Variants in SYN2 observed in about 807,000 individuals in gnomAD.
SYN2 encodes the protein synapsin II.
In SYN2, 19 loss-of-function variants were observed where a neutral mutation model predicts 50.9. The observed-to-expected ratio is 0.37, with a 90% CI of 0.26 to 0.55. The LOEUF (loss-of-function observed/expected upper bound fraction) is 0.55. SYN2 is among the 20% of genes least tolerant of loss of function. The pLI is 0.81. For missense variants in SYN2, 587 were observed against 576.4 expected, an observed-to-expected ratio of 1.02 and a Z score of -0.19; for synonymous variants, 255 against 224.9, an observed-to-expected ratio of 1.13 and a Z score of -1.20.
chr3:12,106,854 GGTC>G (rs1242236749), intron 1 of SYN2, among the ~76,000 whole-genome samples: 2 of 151,944 alleles, frequency 1.3e-5, no homozygotes, highest in African/African-American at 4.8e-5. Flanking sequence ...GAACAGATAG[GGTC>G]TTCTAGTGTT....
At chr3:12,143,677 C>T (rs1182696765) in intron 3 of SYN2, among the ~76,000 whole-genome samples, 1 of 152,118 alleles carries the variant, frequency 6.6e-6, no homozygotes, top group African/African-American at 2.4e-5. Context: ...TTTTCTTCAT[C>T]CAGTCATCCA....
chr3:12,146,583 G>T (rs1697154727), intron 4 of SYN2, among the ~76,000 whole-genome samples: 1 of 152,194 alleles, frequency 6.6e-6, no homozygotes, highest in African/African-American at 2.4e-5. Context: ...AAAGGATTAA[G>T]TAACTTGCCA....
intron 5 of SYN2, among the ~76,000 whole-genome samples, chr3:12,154,863 A>G (rs979918075): frequency 7.9e-5 from 6 of 76,414 alleles, no homozygotes; most frequent in African/African-American, 1.7e-4. Context: ...TAAAGTTCCC[A>G]GCACAGTTGT....
chr3:12,080,143 G>A (rs1480602114), intron 1 of SYN2, among the ~76,000 whole-genome samples: 2 of 152,096 alleles, frequency 1.3e-5, no homozygotes, highest in Non-Finnish European at 2.9e-5. Context: ...GGGGTCAGTG[G>A]TGATATCCCC....
At chr3:12,183,486 A>G (rs747046621) in intron 11 of SYN2, 114 bp downstream of exon 11, 3 of 1,603,438 alleles carry the variant, frequency 1.9e-6, no homozygotes, top group African/African-American at 2.7e-5. Context: ...TAAGCCAAAA[A>G]CAAACGAAAG....
chr3:12,168,876 G>C (rs932199905), intron 9 of SYN2, among the ~76,000 whole-genome samples: 5 of 152,102 alleles, frequency 3.3e-5, no homozygotes, highest in Admixed American at 2.6e-4. Flanking sequence ...GTGTCTCTCT[G>C]AGCCTTGGAG....
intron 1 of SYN2, among the ~76,000 whole-genome samples, chr3:12,062,181 A>G (rs771542016): frequency 6.6e-6 from 1 of 152,064 alleles, no homozygotes; most frequent in Non-Finnish European, 1.5e-5. Flanking sequence ...CAATAGATCT[A>G]TTTCAATCAA....
At chr3:12,045,171 A>G (rs1199188740) in intron 1 of SYN2, among the ~76,000 whole-genome samples, 4 of 152,184 alleles carry the variant, frequency 2.6e-5, no homozygotes, top group Non-Finnish European at 4.4e-5. Context: ...CATGTGGTAT[A>G]CCATAAAAAT....
At chr3:12,159,185 C>G (rs1170729190) in intron 5 of SYN2, 1 of 294,946 alleles carries the variant, frequency 3.4e-6, no homozygotes, top group Non-Finnish European at 6.3e-6. Context: ...GCCACAAAGA[C>G]AAATGCATGA....
chr3:12,012,597 C>T (rs954812316), intron 1 of SYN2, among the ~76,000 whole-genome samples: 3 of 152,222 alleles, frequency 2.0e-5, no homozygotes, highest in Admixed American at 2.0e-4. Context: ...TACCCTCTCC[C>T]TGCACACATG....
At chr3:12,061,874 C>A (rs1038370216) in intron 1 of SYN2, among the ~76,000 whole-genome samples, 5 of 151,890 alleles carry the variant, frequency 3.3e-5, no homozygotes, top group African/African-American at 9.7e-5. Flanking sequence ...TGAAAGAAAT[C>A]GAAGATCTAA....
chr3:12,062,714 C>T (rs1354921494), intron 1 of SYN2, among the ~76,000 whole-genome samples: 1 of 151,988 alleles, frequency 6.6e-6, no homozygotes, highest in Non-Finnish European at 1.5e-5. Flanking sequence ...CCATACGATC[C>T]AGCATTCATG....
chr3:12,005,014 AACGTTTCAG>A (rs1333207136), intron 1 of SYN2, 86 bp downstream of exon 1: 2 of 399,746 alleles, frequency 5.0e-6, no homozygotes, highest in Non-Finnish European at 8.9e-6. Context: ...TCGCCGAGGA[AACGTTTCAG>A]ACCAATAAAA....
At chr3:12,047,196 G>A (rs960163583) in intron 1 of SYN2, among the ~76,000 whole-genome samples, 1 of 152,190 alleles carries the variant, frequency 6.6e-6, no homozygotes, top group African/African-American at 2.4e-5. Flanking sequence ...AGGAGGAAAT[G>A]AGATCTGGCT....
intron 9 of SYN2, among the ~76,000 whole-genome samples, chr3:12,169,175 A>C (rs1697879955): frequency 6.6e-6 from 1 of 152,156 alleles, no homozygotes; most frequent in South Asian, 2.1e-4. Flanking sequence ...CATAATTGAG[A>C]AAGTTGGACT....
intron 1 of SYN2, among the ~76,000 whole-genome samples, chr3:12,030,799 A>G (rs200139927): frequency 0.036 from 3,472 of 96,506 alleles, 90 homozygotes; most frequent in East Asian, 0.11. Context: ...CTAGCGGTCT[A>G]TCAATTTTGT....
At chr3:12,044,199 A>C (rs201491823) in intron 1 of SYN2, among the ~76,000 whole-genome samples, 2 of 149,906 alleles carry the variant, frequency 1.3e-5, no homozygotes, top group Admixed American at 6.7e-5. Context: ...ACACACACAC[A>C]CACACACACA....
chr3:12,083,348 T>C (rs1180254227), intron 1 of SYN2, among the ~76,000 whole-genome samples: 2 of 152,168 alleles, frequency 1.3e-5, no homozygotes, highest in African/African-American at 4.8e-5. Context: ...GACAGCTCTA[T>C]TTTTTACCTA....
intron 1 of SYN2, among the ~76,000 whole-genome samples, chr3:12,035,066 G>A (rs1410831625): frequency 6.6e-6 from 1 of 152,182 alleles, no homozygotes; most frequent in Non-Finnish European, 1.5e-5. Flanking sequence ...ACAGGCATAG[G>A]ATAGACGTTC....
Sources: allele counts gnomAD v4.1 joint callset (sites outside exome capture counted in the v4.1 genomes callset), GRCh38; gene constraint gnomAD v4.1.1; transcripts MANE v1.5; gene names NCBI Gene and HGNC (gene_info 2026-07-23, HGNC 2026-07-21).